The following LRFN2 variants were observed in gnomAD, a reference collection of about 807,000 sequenced individuals.
LRFN2 encodes the protein leucine rich repeat and fibronectin type III domain containing 2.
In LRFN2, 18 loss-of-function variants were observed where a neutral mutation model predicts 37.3. The ratio of observed to expected loss-of-function variants is 0.48; its 90% confidence interval spans 0.33 to 0.72. The LOEUF is 0.72. LRFN2 is among the 30% of genes least tolerant of loss of function. LRFN2 has a pLI of 0.02. For missense variants in LRFN2, 1,006 were observed against 1,060.7 expected, an observed-to-expected ratio of 0.95 and a Z score of 0.72; for synonymous variants, 556 against 466.6, an observed-to-expected ratio of 1.19 and a Z score of -2.47.
At chr6:40,582,975 C>T (rs147179671) in intron 1 of LRFN2, among the ~76,000 whole-genome samples, 60 of 152,212 alleles carry the variant, frequency 3.9e-4, no homozygotes, top group Middle Eastern at 3.4e-3. Flanking sequence ...TAGCAAGTTG[C>T]GAGTGGATCT....
At chr6:40,582,409 G>C (rs1356683278) in intron 1 of LRFN2, among the ~76,000 whole-genome samples, 2 of 151,844 alleles carry the variant, frequency 1.3e-5, no homozygotes, top group Admixed American at 1.3e-4. Flanking sequence ...AAGGTTGCCA[G>C]GGAGGCCCCG....
intron 1 of LRFN2, among the ~76,000 whole-genome samples, chr6:40,538,009 T>C (rs1766483186): frequency 6.6e-6 from 1 of 151,934 alleles, no homozygotes; most frequent in Admixed American, 6.6e-5. Flanking sequence ...CTTGTTCAGG[T>C]CTGAAGACTA....
intron 2 of LRFN2, among the ~76,000 whole-genome samples, chr6:40,401,909 T>C (rs924925644): frequency 2.6e-5 from 4 of 152,088 alleles, no homozygotes; most frequent in African/African-American, 9.7e-5. Context: ...AAGGGCCACA[T>C]CAGGCTTCCC....
chr6:40,557,759 T>A (rs1418816083), intron 1 of LRFN2, among the ~76,000 whole-genome samples: 1 of 152,182 alleles, frequency 6.6e-6, no homozygotes, highest in African/African-American at 2.4e-5. Flanking sequence ...TTTCTGTGTC[T>A]CCTCTGTTAA....
intron 1 of LRFN2, among the ~76,000 whole-genome samples, chr6:40,513,639 G>A (rs762935959): frequency 5.3e-5 from 8 of 152,150 alleles, no homozygotes; most frequent in Non-Finnish European, 8.8e-5. Flanking sequence ...GGAGGCGGGC[G>A]ACAGACCACA....
chr6:40,554,404 G>A (rs1766831850), intron 1 of LRFN2, among the ~76,000 whole-genome samples: 1 of 152,194 alleles, frequency 6.6e-6, no homozygotes, highest in Non-Finnish European at 1.5e-5. Context: ...GATGGATGGA[G>A]GGAAGGGTGG....
At chr6:40,540,944 A>G (rs1199207295) in intron 1 of LRFN2, among the ~76,000 whole-genome samples, 1 of 152,228 alleles carries the variant, frequency 6.6e-6, no homozygotes, top group Non-Finnish European at 1.5e-5. Flanking sequence ...GCTGGGGGTC[A>G]GGAGGGAATG....
Position 40,514,424 on chromosome 6 carries a change from C to T in LRFN2, c.-19+72517G>A, listed in dbSNP as rs143104025. 2.3e-3 allele frequency among the ~76,000 whole-genome samples: 354 copies of T among 152,300 alleles called. 4 individuals are homozygous for T. The highest frequency in any genetic ancestry group is 0.017 in the East Asian group (90 of 5,174). On this transcript the variant is annotated intron_variant, in intron 1 of 2. Coordinates refer to ENST00000338305, the MANE Select transcript of LRFN2 (RefSeq NM_020737.3). ...CTGCCTCTCAAGTTCAAACAATTCT[C>T]CTGCCTCAGCCTCCTGAGTAGCTGG...
At chr6:40,514,460 G>A (rs1406877783) in intron 1 of LRFN2, among the ~76,000 whole-genome samples, 1 of 151,950 alleles carries the variant, frequency 6.6e-6, no homozygotes, top group Admixed American at 6.6e-5. Context: ...GATTACATGC[G>A]TGCACCACCA....
chr6:40,409,498 T>A (rs1023826758), intron 2 of LRFN2, among the ~76,000 whole-genome samples: 2 of 152,228 alleles, frequency 1.3e-5, no homozygotes, highest in Non-Finnish European at 2.9e-5. Flanking sequence ...AAAGAAGCCA[T>A]GATGATGTTT....
intron 1 of LRFN2, among the ~76,000 whole-genome samples, chr6:40,524,664 C>A (rs900695730): frequency 2.0e-5 from 3 of 152,180 alleles, no homozygotes; most frequent in African/African-American, 2.4e-5. Flanking sequence ...AAAGACCTTT[C>A]TTTTTGTCTT....
Position 40,392,604 on chromosome 6 carries a change from GC to G in LRFN2, c.1708del (p.Ala570ArgfsTer3). ...CTGCGAGTACACATTGCTCACGGCC[GC>G]TGCCATCTTGCTGGGGGCCTCGTGG... ...CNHEAPSKMA[A>X]AVSNVYSQTN... On this transcript the variant is annotated frameshift_variant, in exon 3 of 3. Coordinates refer to ENST00000338305, the MANE Select transcript of LRFN2 (RefSeq NM_020737.3). LOFTEE classifies it high-confidence loss of function. The surrounding 1 kb of genome is among the most constrained non-coding windows in gnomAD (Gnocchi z 4.7). 1 of 1,609,612 alleles carries G rather than the reference GC, an allele frequency of 6.2e-7. No homozygotes were observed. Among genetic ancestry groups the G allele is most frequent in the African/African-American group, 1.3e-5 (1 of 75,078 alleles).
chr6:40,415,885 T>C (rs1392150373), intron 2 of LRFN2, among the ~76,000 whole-genome samples: 2 of 152,242 alleles, frequency 1.3e-5, no homozygotes, highest in Admixed American at 6.5e-5. Context: ...CTGAGAATTA[T>C]GTTCAAAAAT....
At chr6:40,470,434 A>AC (rs1764567780) in intron 1 of LRFN2, among the ~76,000 whole-genome samples, 1 of 152,016 alleles carries the variant, frequency 6.6e-6, no homozygotes. Flanking sequence ...ACATGGTGAA[A>AC]CCCCTTCTTA....
intron 1 of LRFN2, among the ~76,000 whole-genome samples, chr6:40,526,668 G>C (rs79696525): frequency 0.017 from 2,582 of 152,300 alleles, 55 homozygotes; most frequent in African/African-American, 0.057. Context: ...CTGCAGACCT[G>C]TGTGGCCAGT....
chr6:40,540,067 G>A (rs1474053091), intron 1 of LRFN2, among the ~76,000 whole-genome samples: 1 of 150,974 alleles, frequency 6.6e-6, no homozygotes, highest in Non-Finnish European at 1.5e-5. Context: ...CACAGGCCAT[G>A]GATGCAGTAG....
intron 1 of LRFN2, among the ~76,000 whole-genome samples, chr6:40,561,838 G>T (rs921710004): frequency 6.6e-6 from 1 of 152,044 alleles, no homozygotes; most frequent in African/African-American, 2.4e-5. Context: ...AATACAGCAG[G>T]CCTGGGAGGC....
intron 1 of LRFN2, among the ~76,000 whole-genome samples, chr6:40,483,305 G>A (rs886065181): frequency 8.5e-5 from 13 of 152,186 alleles, no homozygotes; most frequent in Non-Finnish European, 1.5e-5. Flanking sequence ...CTTGAACCTG[G>A]GTTTCTTTGC....
chr6:40,482,979 C>T (rs1032479016), intron 1 of LRFN2, among the ~76,000 whole-genome samples: 1 of 152,242 alleles, frequency 6.6e-6, no homozygotes, highest in African/African-American at 2.4e-5. Context: ...CCCTCTGTTC[C>T]CTTGGCCTCT....
Sources: allele counts gnomAD v4.1 joint callset (sites outside exome capture counted in the v4.1 genomes callset), GRCh38; gene constraint gnomAD v4.1.1; non-coding constraint Gnocchi (gnomAD v3.1); transcripts MANE v1.5; gene names NCBI Gene and HGNC (gene_info 2026-07-23, HGNC 2026-07-21).